USP54: variants seen among roughly 807,000 people sequenced by gnomAD.
USP54 encodes ubiquitin carboxyl-terminal hydrolase 54.
A neutral mutation model predicts 170.5 loss-of-function variants in USP54; 87 were observed. The observed-to-expected ratio is 0.51, with a 90% CI of 0.43 to 0.61. The LOEUF (loss-of-function observed/expected upper bound fraction) is 0.61, where lower values mean the gene tolerates loss of function less well. Ranked by LOEUF, USP54 falls within the 20% of genes least tolerant of loss-of-function variation. The pLI is 0.00. For missense variants in USP54, 1,786 were observed against 2,047.8 expected, an observed-to-expected ratio of 0.87 and a Z score of 2.47; for synonymous variants, 655 against 742.8, an observed-to-expected ratio of 0.88 and a Z score of 1.92.
Position 73,545,611 on chromosome 10 carries a change from C to T in USP54, c.302G>A (p.Ser101Asn), listed in dbSNP as rs2067613616. The T allele has an allele frequency of 3.1e-6, 5 of 1,614,116 alleles. No homozygotes were observed. In the South Asian group the frequency reaches 5.5e-5, roughly 18 times the overall value. The change falls in exon 5 of 24, where the codon AGT (serine) becomes AAT (asparagine). Residue 101 changes from serine to asparagine, a missense_variant. Physicochemically the swap from Ser to Asn is conservative, Grantham distance 46. Around this residue, in one of 3 missense-constraint regions of USP54, gnomAD observed 361 missense variants for 455.0 expected, o/e 0.79. Transcript: ENST00000687698. ...EKVLPSDTLRSALAKTFQDEQ... is the reference protein window; with the variant it reads ...EKVLPSDTLRNALAKTFQDEQ... Reference sequence around the variant, plus strand: ...ATCCTGGAAAGTCTTTGCCAGAGCACTGCGGAGAGTGTCAGATGGAAGCAC... The same window carrying T: ...ATCCTGGAAAGTCTTTGCCAGAGCATTGCGGAGAGTGTCAGATGGAAGCAC...
chr10:73,561,180 TAG>T (rs1425476055), intron 4 of USP54, among the ~76,000 whole-genome samples: 2 of 142,524 alleles, frequency 1.4e-5, no homozygotes, highest in Non-Finnish European at 3.0e-5. Context: ...CACAGAAAAG[TAG>T]AGTGTTTATA....
intron 1 of USP54, among the ~76,000 whole-genome samples, chr10:73,600,459 T>C (rs2079078136): frequency 6.6e-6 from 1 of 152,142 alleles, no homozygotes; most frequent in South Asian, 2.1e-4. Flanking sequence ...GATATTGCCA[T>C]TGGAGGAAAT....
chr10:73,622,668 A>T (rs2081186307), intron 1 of USP54, among the ~76,000 whole-genome samples: 1 of 152,074 alleles, frequency 6.6e-6, no homozygotes, highest in African/African-American at 2.4e-5. Context: ...AAAAAGACTA[A>T]TAGGACCAGC....
Position 73,497,797 on chromosome 10 carries a change from C to G in USP54, c.*832G>C, listed in dbSNP as rs572506194. The G allele has an allele frequency of 9.8e-5, 15 of 152,372 alleles. No individual in the cohort carries two copies. Among genetic ancestry groups the G allele is most frequent in the Non-Finnish European group, 1.8e-4 (12 of 68,068 alleles). 9.4% of individuals were successfully genotyped at this position (152,372 alleles called of 1,614,324 possible). ...AGGGAATGCTGACAGGCCATAATAC[C>G]TGGGCAGGGGGGCTGCCCTGATGAT... On this transcript the variant is annotated 3_prime_UTR_variant, in exon 24 of 24. Coordinates refer to ENST00000687698, the MANE Select transcript of USP54 (RefSeq NM_001391956.1).
chr10:73,590,022 T>C (rs1387786754), intron 1 of USP54, among the ~76,000 whole-genome samples: 1 of 152,202 alleles, frequency 6.6e-6, no homozygotes. Context: ...GGTGTAAAAT[T>C]ATAATAATGG....
intron 4 of USP54, among the ~76,000 whole-genome samples, chr10:73,557,058 C>A (rs2071279048): frequency 6.6e-6 from 1 of 152,046 alleles, no homozygotes; most frequent in South Asian, 2.1e-4. Context: ...TAGTACAATC[C>A]CTGGAAGAAC....
chr10:73,526,857 T>C, intron 15 of USP54, 77 bp from the exon 16 acceptor site: 2 of 1,440,588 alleles, frequency 1.4e-6, no homozygotes, highest in Admixed American at 2.6e-5. Flanking sequence ...AATCTCTCTC[T>C]CAAAAAAAAA....
At chr10:73,552,770 G>A (rs184326061) in intron 4 of USP54, among the ~76,000 whole-genome samples, 2 of 152,278 alleles carry the variant, frequency 1.3e-5, no homozygotes, top group East Asian at 3.9e-4. Context: ...CAGCCTGGAC[G>A]ACAGAGTGAG....
rs2057322891 is a variant in USP54, at chr10:73,497,763, G to A, written c.*866C>T. The A allele has an allele frequency of 6.6e-6, 1 of 152,266 alleles. No homozygotes were observed. The highest frequency in any genetic ancestry group is 6.5e-5 in the Admixed American group (1 of 15,278). The allele number at this position is 152,266 out of a possible 1,614,324, so 9.4% of individuals were successfully genotyped here. A position where few individuals can be genotyped will look rare whatever the true frequency, so the allele number is the denominator to read the frequency against. On this transcript the variant is annotated 3_prime_UTR_variant, in exon 24 of 24. Transcript: ENST00000687698. ...GCTCCGCATTCTAGGCCTAAGGTTTGGAGGGCACAGGGAATGCTGACAGGC... is the reference window on the plus strand; with the variant it reads ...GCTCCGCATTCTAGGCCTAAGGTTTAGAGGGCACAGGGAATGCTGACAGGC...
At chr10:73,545,401 T>G in intron 5 of USP54, 137 bp downstream of exon 5, 1 of 1,208,272 alleles carries the variant, frequency 8.3e-7, no homozygotes, top group Non-Finnish European at 1.2e-6. Context: ...TTTAGATCCC[T>G]GAAAAATCAG....
chr10:73,536,965 T>C (rs1374285177), intron 10 of USP54, among the ~76,000 whole-genome samples: 1 of 152,238 alleles, frequency 6.6e-6, no homozygotes, highest in Non-Finnish European at 1.5e-5. Flanking sequence ...TCAAACTGCT[T>C]AGAATAGACA....
chr10:73,523,723 A>T lies in USP54; in HGVS notation c.2222T>A (p.Leu741Gln). The T allele has an allele frequency of 6.2e-7, 1 of 1,613,640 alleles. No individual in the cohort carries two copies. The highest frequency in any genetic ancestry group is 8.5e-7 in the Non-Finnish European group (1 of 1,179,752). Residue 741 changes from leucine (L) to glutamine (Q), a missense_variant, in exon 17 of 24, where the codon CTG becomes CAG. Coordinates refer to ENST00000687698, the MANE Select transcript of USP54 (RefSeq NM_001391956.1). ...SGEEISSKSE[L>Q]DELQEEVARR... ...GGCCACCTCTTCCTGCAATTCATCC[A>T]GTTCACTTTTAGAAGATATCTCCTC...
Position 73,520,788 on chromosome 10 carries a change from G to T in USP54, c.2482+120C>A, listed in dbSNP as rs1038032610. On this transcript the variant is annotated intron_variant, in intron 18 of 23. Coordinates refer to ENST00000687698, the MANE Select transcript of USP54 (RefSeq NM_001391956.1). ...AAAAACAGCTAACGCGACTCAGTTT[G>T]GGAGAGCAAGAGTGAGGAGACACAA... The T allele has an allele frequency of 2.8e-6, 4 of 1,409,360 alleles. No individual in the cohort carries two copies. In the Admixed American group the frequency reaches 5.6e-5, roughly 20 times the overall value. 87.3% of individuals were successfully genotyped at this position (1,409,360 alleles called of 1,614,324 possible).
Position 73,517,170 on chromosome 10 carries a change from A to G in USP54, c.3256T>C (p.Cys1086Arg), listed in dbSNP as rs757423858. 1.2e-5 allele frequency: 19 copies of G among 1,614,240 alleles called. 1 individual carries two copies. In the South Asian group the frequency reaches 1.9e-4, roughly 16 times the overall value. Residue 1086 changes from cysteine to arginine, a missense_variant, in exon 20 of 24, where the codon TGT (cysteine) becomes CGT (arginine). Coordinates refer to ENST00000687698, the MANE Select transcript of USP54 (RefSeq NM_001391956.1). ...MPVASSFVLHCPDPVQKTNQC... is the reference protein window; with the variant it reads ...MPVASSFVLHRPDPVQKTNQC... ...TTAGTTTTCTGCACAGGATCAGGACAGTGAAGCACAAATGAAGAAGCAACA... is the reference window on the plus strand; with the variant it reads ...TTAGTTTTCTGCACAGGATCAGGACGGTGAAGCACAAATGAAGAAGCAACA...
chr10:73,570,548 T>G (rs957393925), intron 4 of USP54, among the ~76,000 whole-genome samples: 3 of 150,176 alleles, frequency 2.0e-5, no homozygotes, highest in Non-Finnish European at 3.0e-5. Flanking sequence ...CTTTTCCTTT[T>G]TCTTTTTTTT....
At chr10:73,624,175 TATATA>T (rs2081301252) in intron 1 of USP54, among the ~76,000 whole-genome samples, 12 of 116,600 alleles carry the variant, frequency 1.0e-4, no homozygotes, top group East Asian at 1.0e-3. Context: ...TATATATATA[TATATA>T]TATATATATA....
chr10:73,508,211 A>G (rs1160875315), intron 20 of USP54, among the ~76,000 whole-genome samples: 2 of 151,966 alleles, frequency 1.3e-5, no homozygotes, highest in Admixed American at 6.6e-5. Flanking sequence ...GTTCAAGACC[A>G]CCCTGGCCAA....
chr10:73,502,110 T>C (rs1418134326), intron 22 of USP54, among the ~76,000 whole-genome samples: 3 of 152,212 alleles, frequency 2.0e-5, no homozygotes, highest in Non-Finnish European at 4.4e-5. Flanking sequence ...TTAGTAATAA[T>C]ACATTAAATA....
At chr10:73,611,076 A>G (rs1231174101) in intron 1 of USP54, among the ~76,000 whole-genome samples, 2 of 152,214 alleles carry the variant, frequency 1.3e-5, no homozygotes, top group African/African-American at 4.8e-5. Context: ...TTTTTTAAAA[A>G]ACATTTTTGT....
Sources: gnomAD v4.1 joint callset for allele counts (sites outside exome capture counted in the v4.1 genomes callset) on GRCh38, gnomAD v4.1.1 for gene constraint, gnomAD v4.1.1 regional missense constraint, MANE v1.5 for transcripts, NCBI Gene and HGNC (gene_info 2026-07-23, HGNC 2026-07-21) for gene names.